The following FBXW7 variants were observed in gnomAD, a reference collection of about 807,000 sequenced individuals.
FBXW7 encodes F-box/WD repeat-containing protein 7.
Under a neutral mutation model 86.3 loss-of-function variants are expected in FBXW7, and 11 were observed. The ratio of observed to expected loss-of-function variants is 0.13; its 90% confidence interval spans 0.08 to 0.21. The LOEUF (loss-of-function observed/expected upper bound fraction) is 0.21. Ranked by LOEUF, FBXW7 falls within the 10% of genes least tolerant of loss-of-function variation. The pLI, the probability that FBXW7 is intolerant of heterozygous loss-of-function variation, is 1.00. For missense variants in FBXW7, 488 were observed against 847.4 expected, an observed-to-expected ratio of 0.58 and a Z score of 5.27; for synonymous variants, 313 against 297.9, an observed-to-expected ratio of 1.05 and a Z score of -0.52.
chr4:152,369,399 G>A (rs1733799983), intron 4 of FBXW7, among the ~76,000 whole-genome samples: 1 of 152,042 alleles, frequency 6.6e-6, no homozygotes, highest in Non-Finnish European at 1.5e-5. Context: ...ACTCCACGAG[G>A]GTGATGGCTG....
intron 6 of FBXW7, among the ~76,000 whole-genome samples, chr4:152,342,404 C>G (rs776718195): frequency 2.6e-5 from 4 of 152,192 alleles, no homozygotes; most frequent in Non-Finnish European, 4.4e-5. Context: ...CGATCAAGGA[C>G]AGCAAGAATT....
rs936611105 is a variant in FBXW7, at chr4:152,326,147, A to G, written c.1503T>C (p.Val501=). 34 of 1,613,422 alleles carry G rather than the reference A, an allele frequency of 2.1e-5. No homozygotes were observed. Among genetic ancestry groups the G allele is most frequent in the Non-Finnish European group, 2.8e-5 (33 of 1,179,558 alleles). Residue 501 remains valine (V), a synonymous_variant, in exon 12 of 14, where the codon GTT becomes GTC. Coordinates refer to ENST00000281708, the MANE Select transcript of FBXW7 (RefSeq NM_001349798.2). ...GQCLHVLMGH[V]AAVRCVQYDG... is the part of the protein sequence containing the mutation. ...CATATTGAACACAGCGGACTGCTGCAACATGACCCATCAAAACATGTAAAC... is the reference window on the plus strand; with the variant it reads ...CATATTGAACACAGCGGACTGCTGCGACATGACCCATCAAAACATGTAAAC...
At chr4:152,526,486 GAA>G (rs1368266415) in intron 2 of FBXW7, among the ~76,000 whole-genome samples, 9 of 151,874 alleles carry the variant, frequency 5.9e-5, no homozygotes, top group Non-Finnish European at 1.2e-4. Context: ...ACAAAAAAAG[GAA>G]TTTTTAAAAC....
chr4:152,332,173 C>T (rs1489773050), intron 8 of FBXW7, among the ~76,000 whole-genome samples: 1 of 152,084 alleles, frequency 6.6e-6, no homozygotes, highest in African/African-American at 2.4e-5. Context: ...AAACAGGTTT[C>T]AAGAACATAA....
intron 2 of FBXW7, among the ~76,000 whole-genome samples, chr4:152,439,917 C>A (rs1158584381): frequency 6.6e-6 from 1 of 151,526 alleles, no homozygotes; most frequent in Non-Finnish European, 1.5e-5. Flanking sequence ...TCATACAGAC[C>A]TGGCTTTACT....
At chr4:152,367,762 G>A (rs1212674029) in intron 4 of FBXW7, among the ~76,000 whole-genome samples, 1 of 152,044 alleles carries the variant, frequency 6.6e-6, no homozygotes, top group African/African-American at 2.4e-5. Flanking sequence ...AGAAACTGAA[G>A]AATGTTATTA....
At position 152,466,554 on chromosome 4, in the gene FBXW7, C is replaced by CA. The variant is rs201136250; in HGVS notation, c.-119-54026dup. On this transcript the variant is annotated intron_variant, in intron 2 of 13. Coordinates refer to ENST00000281708, the MANE Select transcript of FBXW7 (RefSeq NM_001349798.2). ...TGGGCAACAGAGCGAGACTCCATTT[C>CA]AAAAAAAAAAAAAAATTAAAGACAT... Among the ~76,000 whole-genome samples, 684 of 102,304 alleles carry CA rather than the reference C, an allele frequency of 6.7e-3. 7 individuals are homozygous for CA. Among genetic ancestry groups the CA allele is most frequent in the East Asian group, 0.054 (199 of 3,718 alleles). The allele number at this position is 102,304 out of a possible 152,430, so 67.1% of individuals were successfully genotyped here.
At chr4:152,411,279 T>A (rs2126875819) in intron 4 of FBXW7, 24 bp downstream of exon 4, 1 of 1,544,758 alleles carries the variant, frequency 6.5e-7, no homozygotes, top group Non-Finnish European at 8.7e-7. Context: ...TTTCTCAGGT[T>A]AACAATATAT....
chr4:152,425,239 A>T (rs1480637632), intron 2 of FBXW7, among the ~76,000 whole-genome samples: 1 of 152,216 alleles, frequency 6.6e-6, no homozygotes, highest in East Asian at 1.9e-4. Flanking sequence ...AAAGACTCTC[A>T]AAAGTTGCAT....
chr4:152,486,420 T>C (rs894087290), intron 2 of FBXW7, among the ~76,000 whole-genome samples: 3 of 152,194 alleles, frequency 2.0e-5, no homozygotes, highest in African/African-American at 7.2e-5. Flanking sequence ...CACAAAAATA[T>C]TTTCTTTCCT....
rs992074376 is a variant in FBXW7, at chr4:152,322,273, A to G, written c.*608T>C. On this transcript the variant is annotated 3_prime_UTR_variant, in exon 14 of 14. Coordinates refer to ENST00000281708, the MANE Select transcript of FBXW7 (RefSeq NM_001349798.2). ...AGAATGTATATGGAAGCAACAGTAAATAGATTAACAGAGGCTAATACTGTG... is the reference window on the plus strand; with the variant it reads ...AGAATGTATATGGAAGCAACAGTAAGTAGATTAACAGAGGCTAATACTGTG... 1.7e-5 allele frequency: 4 copies of G among 231,834 alleles called. No individual in the cohort carries two copies. The highest frequency in any genetic ancestry group is 1.8e-4 in the South Asian group (1 of 5,460). 14.4% of individuals were successfully genotyped at this position (231,834 alleles called of 1,614,324 possible). A position where few individuals can be genotyped will look rare whatever the true frequency, so the allele number is the denominator to read the frequency against.
chr4:152,400,134 A>G (rs1042033064), intron 4 of FBXW7, among the ~76,000 whole-genome samples: 2 of 152,228 alleles, frequency 1.3e-5, no homozygotes, highest in African/African-American at 4.8e-5. Context: ...TAGAGAGACC[A>G]GAATATGGTA....
intron 2 of FBXW7, among the ~76,000 whole-genome samples, chr4:152,494,567 A>G (rs936111270): frequency 6.6e-6 from 1 of 152,190 alleles, no homozygotes. Context: ...CAGAATTAGG[A>G]TTTTACCAAA....
chr4:152,374,894 G>A (rs570408201), intron 4 of FBXW7, among the ~76,000 whole-genome samples: 1 of 151,932 alleles, frequency 6.6e-6, no homozygotes, highest in African/African-American at 2.4e-5. Context: ...AGGAGGGGGG[G>A]GGATGATGCT....
rs77298795 is a variant in FBXW7 at position 152,495,001 on chromosome 4, A to C, written c.-120+39940T>G. Among the ~76,000 whole-genome samples, 137 of 152,358 alleles carry C rather than the reference A, an allele frequency of 9.0e-4. No individual in the cohort carries two copies. The East Asian group carries it at 0.014, about 16-fold the overall frequency. On this transcript the variant is annotated intron_variant, in intron 2 of 13. Transcript: ENST00000281708. ...CCAGAGTGAGACAGCTTCAGGGTACAGAGTTCCTAAATAATGTGAAATTTC... is the reference window on the plus strand; with the variant it reads ...CCAGAGTGAGACAGCTTCAGGGTACCGAGTTCCTAAATAATGTGAAATTTC...
intron 4 of FBXW7, among the ~76,000 whole-genome samples, chr4:152,360,052 T>C (rs1043960095): frequency 1.3e-5 from 2 of 152,242 alleles, no homozygotes; most frequent in African/African-American, 4.8e-5. Context: ...TCACTGGTCT[T>C]ACAAGGTTCA....
At position 152,346,957 on chromosome 4, in the gene FBXW7, G is replaced by A. The variant is rs1290546783; in HGVS notation, c.699C>T (p.Gly233=). The part of the protein sequence containing the change: ...RRITSVQPPT[G]LQEWLKMFQS... The stretch of plus-strand genomic sequence containing the variant: ...GAAACATTTTTAGCCATTCCTGGAG[G>A]CCTGTAGGTGGCTGGACAGATGTAA... The change falls in exon 6 of 14, where the codon GGC becomes GGT. Residue 233 remains glycine, a synonymous_variant. Coordinates refer to ENST00000281708, the MANE Select transcript of FBXW7 (RefSeq NM_001349798.2). 6.2e-7 allele frequency: 1 copy of A among 1,613,506 alleles called. No homozygotes were observed. The highest frequency in any genetic ancestry group is 8.5e-7 in the Non-Finnish European group (1 of 1,179,762).
At chr4:152,340,567 C>A (rs1730630267) in intron 6 of FBXW7, among the ~76,000 whole-genome samples, 1 of 129,702 alleles carries the variant, frequency 7.7e-6, no homozygotes, top group Non-Finnish European at 1.6e-5. Flanking sequence ...CAGAGCGAAA[C>A]TCCATCTCAA....
intron 2 of FBXW7, among the ~76,000 whole-genome samples, chr4:152,421,467 G>A (rs1363620902): frequency 1.3e-5 from 2 of 152,144 alleles, no homozygotes; most frequent in African/African-American, 2.4e-5. Context: ...GGAAGCCGAG[G>A]TGGGAGGACT....
Sources: allele counts gnomAD v4.1 joint callset (sites outside exome capture counted in the v4.1 genomes callset), GRCh38; gene constraint gnomAD v4.1.1; transcripts MANE v1.5; gene names NCBI Gene and HGNC (gene_info 2026-07-23, HGNC 2026-07-21).